RSU1: variants seen among roughly 807,000 people sequenced by gnomAD.
RSU1 encodes Ras suppressor protein 1, also known as rsu-1.
A neutral mutation model predicts 31.1 loss-of-function variants in RSU1; 26 were observed. The ratio of observed to expected loss-of-function variants is 0.84; its 90% CI spans 0.61 to 1.16. RSU1 has a LOEUF of 1.16. Ranked by LOEUF, RSU1 falls within the 50% of genes most tolerant of loss-of-function variation. RSU1 has a pLI of 0.00. For missense variants in RSU1, 320 were observed against 339.1 expected (o/e 0.94, Z 0.44); for synonymous variants, 164 against 136.3 (o/e 1.20, Z -1.41).
At chr10:16,676,209 C>A (rs1435957454) in intron 8 of RSU1, among the ~76,000 whole-genome samples, 1 of 152,098 alleles carries the variant, frequency 6.6e-6, no homozygotes, top group East Asian at 1.9e-4. Flanking sequence ...GAAGAAATAC[C>A]CACGACTGAG....
Position 16,695,158 on chromosome 10 carries a change from G to GGGT in RSU1, c.599-4_599-3insACC, listed in dbSNP as rs1554767085. The GGGT allele has an allele frequency of 1.1e-5, 9 of 847,740 alleles. No individual in the cohort carries two copies. The East Asian group carries it at 1.6e-4, about 15-fold the overall frequency. 52.5% of individuals were successfully genotyped at this position (847,740 alleles called of 1,614,324 possible). On this transcript the variant is annotated splice_polypyrimidine_tract_variant and splice_region_variant and intron_variant, in intron 7 of 8. Transcript: ENST00000345264. ...CTGGCCAGTTAAATCCAAGTTTCCT[G>GGGT]GGGGGGGGGAAAAAAAAAGTGAAGG...
At chr10:16,805,831 C>A (rs1389377399) in intron 2 of RSU1, among the ~76,000 whole-genome samples, 1 of 151,990 alleles carries the variant, frequency 6.6e-6, no homozygotes, top group African/African-American at 2.4e-5. Context: ...TCTATCATCA[C>A]CCATATCTGT....
chr10:16,625,623 G>A (rs1834143895), intron 8 of RSU1, among the ~76,000 whole-genome samples: 1 of 152,194 alleles, frequency 6.6e-6, no homozygotes, highest in African/African-American at 2.4e-5. Context: ...TGTCCTGGTG[G>A]AAGTGTCCCC....
chr10:16,710,597 A>C (rs2131579959), intron 7 of RSU1, among the ~76,000 whole-genome samples: 1 of 136,502 alleles, frequency 7.3e-6, no homozygotes, highest in South Asian at 2.1e-4. Flanking sequence ...TCTTCTTCAA[A>C]TGTTTTGTAG....
intron 7 of RSU1, among the ~76,000 whole-genome samples, chr10:16,723,546 C>G (rs1458475246): frequency 6.6e-6 from 1 of 152,164 alleles, no homozygotes; most frequent in African/African-American, 2.4e-5. Context: ...TACTCAAAGG[C>G]AGTATAGAAT....
chr10:16,774,680 A>C (rs548109771), intron 3 of RSU1, among the ~76,000 whole-genome samples: 3 of 152,336 alleles, frequency 2.0e-5, no homozygotes, highest in African/African-American at 7.2e-5. Context: ...TGGACCTCTA[A>C]AGAATTCATG....
chr10:16,714,406 G>A (rs2131583208), intron 7 of RSU1, among the ~76,000 whole-genome samples: 4 of 152,340 alleles, frequency 2.6e-5, no homozygotes, highest in Admixed American at 2.6e-4. Flanking sequence ...TGTCAGGCTA[G>A]ACATAGAATA....
intron 8 of RSU1, among the ~76,000 whole-genome samples, chr10:16,607,267 C>T (rs774860254): frequency 9.9e-5 from 15 of 152,164 alleles, no homozygotes; most frequent in East Asian, 1.9e-4. Flanking sequence ...AAGCATAAGC[C>T]GCCATGCTTC....
In RSU1 at chr10:16,809,685, C is replaced by CT. The variant is rs574194461; in HGVS notation, c.109+7287dup. On this transcript the variant is annotated intron_variant, in intron 2 of 8. Transcript: ENST00000345264. ...AAAAAAGTCATCTCTAGTCTTTTCT[C>CT]TAACAATGGATCTCCTGTATCTAGA... is the stretch of plus-strand genomic sequence containing the variant. Among the ~76,000 whole-genome samples, 117 of 152,264 alleles carry CT rather than the reference C, an allele frequency of 7.7e-4. 2 individuals are homozygous for CT. The South Asian group carries it at 0.023, about 30-fold the overall frequency.
chr10:16,704,830 G>C (rs1043909144), intron 7 of RSU1, among the ~76,000 whole-genome samples: 3 of 151,998 alleles, frequency 2.0e-5, no homozygotes, highest in Admixed American at 2.0e-4. Flanking sequence ...TAGTTGACTG[G>C]TTAATTTTTC....
intron 8 of RSU1, among the ~76,000 whole-genome samples, chr10:16,605,397 A>G (rs1833785743): frequency 6.6e-6 from 1 of 152,142 alleles, no homozygotes; most frequent in African/African-American, 2.4e-5. Flanking sequence ...ACACACTAGA[A>G]ATGTTTGTTG....
chr10:16,697,978 G>A (rs1026601991), intron 7 of RSU1, among the ~76,000 whole-genome samples: 1 of 137,560 alleles, frequency 7.3e-6, no homozygotes, highest in Non-Finnish European at 1.5e-5. Context: ...GGTGATTGCA[G>A]GAACACACCT....
chr10:16,736,122 A>AAGGAGCTATGAAGAAAAAG, intron 7 of RSU1, among the ~76,000 whole-genome samples: 1 of 152,198 alleles, frequency 6.6e-6, no homozygotes, highest in South Asian at 2.1e-4. Flanking sequence ...CATAGCAGGA[A>AAGGAGCTATGAAGAAAAAG]AGGAGCTATG....
chr10:16,606,224 T>C (rs1158128935), intron 8 of RSU1, among the ~76,000 whole-genome samples: 1 of 152,208 alleles, frequency 6.6e-6, no homozygotes, highest in Non-Finnish European at 1.5e-5. Context: ...TATAGAATGT[T>C]AATGATTTTT....
At chr10:16,816,057 GGA>G (rs1204186496) in intron 2 of RSU1, among the ~76,000 whole-genome samples, 1 of 152,176 alleles carries the variant, frequency 6.6e-6, no homozygotes, top group African/African-American at 2.4e-5. Context: ...GGAGAAGTGC[GGA>G]GAGGGTTTAA....
At chr10:16,615,613 A>C (rs1046511919) in intron 8 of RSU1, among the ~76,000 whole-genome samples, 1 of 152,240 alleles carries the variant, frequency 6.6e-6, no homozygotes, top group Non-Finnish European at 1.5e-5. Flanking sequence ...ACTTATTCTA[A>C]AATCAACCAC....
chr10:16,787,284 T>C (rs995981010), intron 2 of RSU1, among the ~76,000 whole-genome samples: 5 of 152,110 alleles, frequency 3.3e-5, no homozygotes, highest in African/African-American at 1.2e-4. Context: ...CTTTCAATTA[T>C]CCAACACGTG....
chr10:16,733,333 T>TAAAAAAAAAAAA (rs569239845), intron 7 of RSU1, among the ~76,000 whole-genome samples: 1 of 79,642 alleles, frequency 1.3e-5, no homozygotes, highest in Admixed American at 1.5e-4. Flanking sequence ...TCTACGACAA[T>TAAAAAAAAAAAA]AAAAAAAAAA....
chr10:16,608,724 C>CA lies in RSU1; in HGVS notation c.732-15229dup, dbSNP rs111922517. Among the ~76,000 whole-genome samples the CA allele has an allele frequency of 5.7e-3, 867 of 151,882 alleles. 8 individuals are homozygous for CA. Among genetic ancestry groups the CA allele is most frequent in the African/African-American group, 0.02 (823 of 41,448 alleles). ...CTTTGAACTCCATCTCCTCTTTTTTCACTTTCACATTTTTGAGTTTTTTGG... is the reference window on the plus strand; with the variant it reads ...CTTTGAACTCCATCTCCTCTTTTTTCAACTTTCACATTTTTGAGTTTTTTGG... On this transcript the variant is annotated intron_variant, in intron 8 of 8. Transcript: ENST00000345264.
Sources: allele counts gnomAD v4.1 joint callset (sites outside exome capture counted in the v4.1 genomes callset), GRCh38; gene constraint gnomAD v4.1.1; transcripts MANE v1.5; gene names NCBI Gene and HGNC (gene_info 2026-07-23, HGNC 2026-07-21).